The following DIP2C variants were observed in gnomAD, a reference collection of about 807,000 sequenced individuals.
The protein encoded by DIP2C is DIP2 acetate--CoA ligase C (putative), also known as disco-interacting protein 2 homolog C.
Under a neutral mutation model 192.4 loss-of-function variants are expected in DIP2C, and 33 were observed. The observed-to-expected ratio is 0.17, with a 90% CI of 0.13 to 0.23. The LOEUF is 0.23. DIP2C is among the 10% of genes least tolerant of loss of function. The pLI, the probability that DIP2C is intolerant of heterozygous loss-of-function variation, is 1.00. For synonymous variants in DIP2C, 979 were observed against 864.1 expected (o/e 1.13, Z -2.33); for missense variants, 1,537 against 2,110.1 (o/e 0.73, Z 5.32).
At chr10:611,165 T>A (rs1193924659) in intron 1 of DIP2C, among the ~76,000 whole-genome samples, 1 of 150,824 alleles carries the variant, frequency 6.6e-6, no homozygotes, top group Non-Finnish European at 1.5e-5. Flanking sequence ...TCTCATGAGA[T>A]CTGGTTGTTT....
intron 35 of DIP2C, 125 bp from the exon 36 acceptor site, chr10:281,448 G>T: frequency 7.5e-7 from 1 of 1,330,806 alleles, no homozygotes; most frequent in Non-Finnish European, 9.9e-7. Flanking sequence ...AGGGGCTCAC[G>T]GATCCAGGGA....
intron 1 of DIP2C, among the ~76,000 whole-genome samples, chr10:639,362 G>A (rs533216073): frequency 8.5e-4 from 124 of 145,992 alleles, no homozygotes; most frequent in Non-Finnish European, 1.6e-3. Context: ...GGTGCTGCCC[G>A]GCTCACGGTC....
rs115461065 is a variant in DIP2C at position 449,461 on chromosome 10, G to A, written c.269-8465C>T. ...TAATACTGCTTGTGGCCAAAGTCAC[G>A]GTACTTTCCTACTCTTAAATAATTT... On this transcript the variant is annotated intron_variant, in intron 3 of 36. Transcript: ENST00000280886. Among the ~76,000 whole-genome samples the A allele has an allele frequency of 6.1e-3, 929 of 152,028 alleles. 12 individuals are homozygous for A. Among genetic ancestry groups the A allele is most frequent in the African/African-American group, 0.022 (897 of 41,486 alleles).
chr10:277,654 T>C (rs1811018392), intron 36 of DIP2C, 77 bp from the exon 37 acceptor site: 5 of 1,560,306 alleles, frequency 3.2e-6, no homozygotes, highest in Admixed American at 3.5e-5. Context: ...AAAGTTCCAC[T>C]TGGCTCTCTC....
chr10:544,259 A>ATTGGGG (rs990651195), intron 1 of DIP2C, among the ~76,000 whole-genome samples: 137 of 152,348 alleles, frequency 9.0e-4, no homozygotes, highest in African/African-American at 2.9e-3. Context: ...TTCAAGGCTC[A>ATTGGGG]TTGGAGCACA....
At chr10:526,727 C>T (rs1023647979) in intron 1 of DIP2C, among the ~76,000 whole-genome samples, 3 of 152,176 alleles carry the variant, frequency 2.0e-5, no homozygotes, top group Non-Finnish European at 2.9e-5. Flanking sequence ...TGGAAACTTC[C>T]GGAAGGCATT....
intron 3 of DIP2C, among the ~76,000 whole-genome samples, chr10:447,347 T>G (rs1262076327): frequency 6.8e-6 from 1 of 147,664 alleles, no homozygotes; most frequent in Non-Finnish European, 1.5e-5. Context: ...TCACACACAG[T>G]GGGGCAGCAG....
intron 19 of DIP2C, chr10:364,904 A>T (rs1960005048): frequency 7.1e-6 from 4 of 566,948 alleles, no homozygotes; most frequent in Admixed American, 4.5e-5. Flanking sequence ...TACTTGGTTT[A>T]CAAAACCACA....
chr10:374,372 C>A, intron 17 of DIP2C, among the ~76,000 whole-genome samples: 1 of 152,214 alleles, frequency 6.6e-6, no homozygotes, highest in East Asian at 1.9e-4. Flanking sequence ...ATTTTCTCAT[C>A]TACTAGAAAA....
chr10:514,478 C>A (rs112445278), intron 1 of DIP2C, among the ~76,000 whole-genome samples: 4 of 152,198 alleles, frequency 2.6e-5, no homozygotes, highest in African/African-American at 9.7e-5. Flanking sequence ...CAGGGCCGTT[C>A]GCAATGTTCA....
intron 22 of DIP2C, among the ~76,000 whole-genome samples, chr10:360,390 C>T (rs776536063): frequency 2.6e-5 from 4 of 152,216 alleles, no homozygotes; most frequent in African/African-American, 9.6e-5. Context: ...AATCCCAAAA[C>T]GTGTGTATTT....
At chr10:359,952 G>C (rs1454845661) in intron 22 of DIP2C, among the ~76,000 whole-genome samples, 1 of 152,180 alleles carries the variant, frequency 6.6e-6, no homozygotes, top group Non-Finnish European at 1.5e-5. Flanking sequence ...CTTGGTGACC[G>C]ATGCTGGGCA....
At chr10:598,183 G>A (rs998940665) in intron 1 of DIP2C, among the ~76,000 whole-genome samples, 1 of 152,198 alleles carries the variant, frequency 6.6e-6, no homozygotes, top group African/African-American at 2.4e-5. Flanking sequence ...ACTCACTGGG[G>A]GAGGCCAAGG....
At chr10:514,147 T>C (rs1462740374) in intron 1 of DIP2C, among the ~76,000 whole-genome samples, 1 of 152,230 alleles carries the variant, frequency 6.6e-6, no homozygotes, top group East Asian at 1.9e-4. Flanking sequence ...GCATTCGCCC[T>C]GCCAGCCGCA....
intron 1 of DIP2C, among the ~76,000 whole-genome samples, chr10:554,040 G>C (rs918569937): frequency 2.0e-5 from 3 of 151,328 alleles, no homozygotes; most frequent in South Asian, 2.1e-4. Context: ...GCTTGTAACT[G>C]TAAGAGTGGC....
intron 22 of DIP2C, 30 bp downstream of exon 22, chr10:362,460 C>T (rs775447704): frequency 6.2e-7 from 1 of 1,609,190 alleles, no homozygotes; most frequent in Non-Finnish European, 8.5e-7. Context: ...AACTCCCGCA[C>T]CTCACAAGCT....
intron 3 of DIP2C, among the ~76,000 whole-genome samples, chr10:450,955 A>C (rs1041654192): frequency 2.0e-5 from 3 of 152,166 alleles, no homozygotes; most frequent in African/African-American, 4.8e-5. Context: ...GTATATGTCC[A>C]TATGTGTGGG....
intron 17 of DIP2C, among the ~76,000 whole-genome samples, chr10:374,986 A>AAT (rs1285987547): frequency 6.6e-6 from 1 of 152,222 alleles, no homozygotes; most frequent in Non-Finnish European, 1.5e-5. Context: ...TCCAGGAGGG[A>AAT]CCATCTCAGT....
intron 1 of DIP2C, among the ~76,000 whole-genome samples, chr10:506,508 A>G (rs901310359): frequency 6.6e-6 from 1 of 152,084 alleles, no homozygotes; most frequent in Non-Finnish European, 1.5e-5. Flanking sequence ...GGGCAGGGCC[A>G]CTCACAGAGC....
Sources: allele counts gnomAD v4.1 joint callset (sites outside exome capture counted in the v4.1 genomes callset), GRCh38; gene constraint gnomAD v4.1.1; transcripts MANE v1.5; gene names NCBI Gene and HGNC (gene_info 2026-07-23, HGNC 2026-07-21).